Variants in RAB9A observed in about 807,000 individuals in gnomAD.
RAB9A encodes RAB9A, member RAS oncogene family.
Under a neutral mutation model 10.3 loss-of-function variants are expected in RAB9A, and 1 was observed. The ratio of observed to expected loss-of-function variants is 0.10; its 90% CI spans 0.03 to 0.46. The LOEUF is 0.46. RAB9A is among the 20% of genes least tolerant of loss of function. The pLI is 0.96. For synonymous variants in RAB9A, 39 were observed against 55.2 expected (o/e 0.71, Z 1.30); for missense variants, 92 against 150.3 (o/e 0.61, Z 2.03).
chrX:13,696,388 C>T (rs912148395), intron 1 of RAB9A, among the ~76,000 whole-genome samples: 1 of 110,401 alleles, frequency 9.1e-6, no homozygotes, highest in Non-Finnish European at 1.9e-5. Flanking sequence ...TGCCACTGCC[C>T]TCCAGCCTGG....
At chrX:13,701,840 A>G (rs73451121) in intron 1 of RAB9A, among the ~76,000 whole-genome samples, 1,874 of 111,199 alleles carry the variant, frequency 0.017, 39 homozygotes, top group African/African-American at 0.058. Flanking sequence ...ATCAAGTGTG[A>G]GGTATAACCA....
rs758317851 is a variant in RAB9A at position 13,707,474 on chromosome X, T to C, written c.-26-1247T>C. ...AAATTTTGTACATGTTTTACATTTT[T>C]CACAATAAAAATGTAAGCAGAAGGA... On this transcript the variant is annotated intron_variant, in intron 2 of 2. Coordinates refer to ENST00000464506, the MANE Select transcript of RAB9A (RefSeq NM_004251.5). 3.7e-3 allele frequency among the ~76,000 whole-genome samples: 417 copies of C among 111,760 alleles called. 2 individuals carry two copies. The highest frequency in any genetic ancestry group is 4.6e-3 in the Non-Finnish European group (243 of 53,167).
intron 2 of RAB9A, among the ~76,000 whole-genome samples, chrX:13,704,308 G>T (rs1349821041): frequency 1.8e-5 from 2 of 111,799 alleles, no homozygotes; most frequent in African/African-American, 3.3e-5. Context: ...AAAGAAGATG[G>T]GTAGATGAAA....
intron 2 of RAB9A, among the ~76,000 whole-genome samples, chrX:13,707,964 G>T (rs1250026653): frequency 1.8e-5 from 2 of 111,183 alleles, no homozygotes; most frequent in Non-Finnish European, 3.8e-5. Context: ...GAAAGTCCCT[G>T]GTAGGAGAGA....
chrX:13,690,071 A>G, intron 1 of RAB9A, among the ~76,000 whole-genome samples: 1 of 108,089 alleles, frequency 9.3e-6, no homozygotes, highest in Middle Eastern at 4.8e-3. Flanking sequence ...CAATCTTTTC[A>G]TAGGATTTTA....
intron 1 of RAB9A, among the ~76,000 whole-genome samples, chrX:13,696,274 T>A (rs1413872931): frequency 9.3e-6 from 1 of 107,105 alleles, no homozygotes; most frequent in Non-Finnish European, 1.9e-5. Context: ...AAAAAAAAAT[T>A]AGCCAGTCTT....
At chrX:13,699,962 CT>C (rs892537547) in intron 1 of RAB9A, among the ~76,000 whole-genome samples, 3 of 110,437 alleles carry the variant, frequency 2.7e-5, no homozygotes, top group South Asian at 3.8e-4. Flanking sequence ...GATTTATATT[CT>C]TTTTTTTTGG....
intron 1 of RAB9A, among the ~76,000 whole-genome samples, chrX:13,699,566 G>T (rs758844808): frequency 3.2e-4 from 36 of 112,407 alleles, no homozygotes; most frequent in Non-Finnish European, 3.9e-4. Flanking sequence ...CTGTAAAGAG[G>T]TGGAAATGAT....
chrX:13,709,343 T>A lies in RAB9A; in HGVS notation c.597T>A (p.Ser199=). The change falls in exon 3 of 3, where the codon TCT becomes TCA. Residue 199 remains serine (S), a synonymous_variant. Coordinates refer to ENST00000464506, the MANE Select transcript of RAB9A (RefSeq NM_004251.5). Reference sequence around the variant, plus strand: ...ACCGAAAGCCCAAGCCTAGCTCATCTTGCTGTTGATTGTTAGATTGTTGAT... The same window carrying A: ...ACCGAAAGCCCAAGCCTAGCTCATCATGCTGTTGATTGTTAGATTGTTGAT... The part of the protein sequence containing the change: ...NLHRKPKPSS[S]CC The A allele has an allele frequency of 8.3e-7, 1 of 1,198,050 alleles. No homozygotes were observed. Among genetic ancestry groups the A allele is most frequent in the Non-Finnish European group, 1.1e-6 (1 of 888,025 alleles).
chrX:13,699,159 C>T (rs757931067), intron 1 of RAB9A, among the ~76,000 whole-genome samples: 2 of 111,538 alleles, frequency 1.8e-5, no homozygotes, highest in East Asian at 5.6e-4. Flanking sequence ...CTCCCTGTCG[C>T]AGTCAGTCAA....
chrX:13,707,907 C>T (rs2046204534), intron 2 of RAB9A, among the ~76,000 whole-genome samples: 1 of 112,062 alleles, frequency 8.9e-6, no homozygotes, highest in Non-Finnish European at 1.9e-5. Context: ...TCTGGCTTTC[C>T]TGGTTAACAG....
In RAB9A at chrX:13,709,143, G is replaced by A. The variant is rs1165203577; in HGVS notation, c.397G>A (p.Val133Met). ...GNKIDISERQ[V>M]STEEAQAWCR... ...CAAGATTGACATAAGCGAACGGCAG[G>A]TGTCTACAGAAGAAGCCCAAGCTTG... is the stretch of plus-strand genomic sequence containing the variant. Residue 133 changes from valine (V) to methionine (M), a missense_variant, in exon 3 of 3, where the codon GTG becomes ATG. Val to Met is a conservative substitution (Grantham distance 21). Transcript: ENST00000464506. The A allele has an allele frequency of 8.3e-7, 1 of 1,209,977 alleles. No individual in the cohort carries two copies. The highest frequency in any genetic ancestry group is 1.1e-6 in the Non-Finnish European group (1 of 895,237).
chrX:13,704,858 G>A (rs1344731247), intron 2 of RAB9A, among the ~76,000 whole-genome samples: 1 of 111,377 alleles, frequency 9.0e-6, no homozygotes, highest in Non-Finnish European at 1.9e-5. Flanking sequence ...GACCTCAAGT[G>A]ATCTGTCCGC....
chrX:13,698,063 A>G (rs1260126932), intron 1 of RAB9A, among the ~76,000 whole-genome samples: 1 of 111,335 alleles, frequency 9.0e-6, no homozygotes, highest in African/African-American at 3.3e-5. Context: ...TGGCTACCAT[A>G]TTGGACAGTG....
At chrX:13,699,401 A>G (rs1476486724) in intron 1 of RAB9A, among the ~76,000 whole-genome samples, 1 of 112,518 alleles carries the variant, frequency 8.9e-6, no homozygotes, top group Non-Finnish European at 1.9e-5. Context: ...GCACCTCACC[A>G]AATGTAGAGC....
chrX:13,702,220 G>C (rs759356383), intron 1 of RAB9A, among the ~76,000 whole-genome samples: 2 of 111,443 alleles, frequency 1.8e-5, no homozygotes, highest in East Asian at 5.6e-4. Flanking sequence ...GCAGGGCTTT[G>C]GCATGGATTG....
intron 1 of RAB9A, among the ~76,000 whole-genome samples, chrX:13,693,485 G>A (rs1295280519): frequency 9.0e-6 from 1 of 111,629 alleles, no homozygotes; most frequent in Admixed American, 9.5e-5. Context: ...GAGGGAGGTC[G>A]GAGGCGGTCC....
At chrX:13,693,206 A>C (rs1296609575) in intron 1 of RAB9A, among the ~76,000 whole-genome samples, 1 of 112,525 alleles carries the variant, frequency 8.9e-6, no homozygotes, top group Non-Finnish European at 1.9e-5. Context: ...GAAGTAAGCC[A>C]AATGGAAGTG....
At chrX:13,691,638 C>A (rs760098959) in intron 1 of RAB9A, among the ~76,000 whole-genome samples, 14 of 63,580 alleles carry the variant, frequency 2.2e-4, no homozygotes, top group East Asian at 5.7e-4. Context: ...CCAGCCTGGG[C>A]AACAGAATGA....
Sources: allele counts gnomAD v4.1 joint callset (sites outside exome capture counted in the v4.1 genomes callset), GRCh38; gene constraint gnomAD v4.1.1; transcripts MANE v1.5; gene names NCBI Gene and HGNC (gene_info 2026-07-23, HGNC 2026-07-21).